The following ANKRD30BL variants were observed in gnomAD, a reference collection of about 807,000 sequenced individuals.
ANKRD30BL encodes ankyrin repeat domain 30B like, also known as putative ankyrin repeat domain-containing protein 30B-like.
Under a neutral mutation model 18.4 loss-of-function variants are expected in ANKRD30BL, and 20 were observed. The ratio of observed to expected loss-of-function variants is 1.09; its 90% CI spans 0.77 to 1.58. ANKRD30BL has a LOEUF of 1.58. Among genes scored for constraint, ANKRD30BL ranks in the 40% most tolerant of loss-of-function variants. The pLI is 0.00. For synonymous variants in ANKRD30BL, 72 were observed against 100.9 expected (o/e 0.71, Z 1.72); for missense variants, 224 against 268.6 (o/e 0.83, Z 1.16).
intron 1 of ANKRD30BL, among the ~76,000 whole-genome samples, chr2:132,254,045 C>G (rs375335833): frequency 1.3e-5 from 2 of 151,540 alleles, no homozygotes; most frequent in Admixed American, 1.3e-4. Context: ...CCCACCGTGA[C>G]GCCGAGAACC....
At chr2:132,174,657 G>A (rs542923112) in intron 1 of ANKRD30BL, among the ~76,000 whole-genome samples, 30 of 152,344 alleles carry the variant, frequency 2.0e-4, no homozygotes, top group East Asian at 1.3e-3. Context: ...AAAGTTGTGG[G>A]TGGTGAGTTA....
chr2:132,198,685 C>G (rs993934547), intron 1 of ANKRD30BL, among the ~76,000 whole-genome samples: 27 of 149,676 alleles, frequency 1.8e-4, no homozygotes, highest in African/African-American at 6.7e-4. Context: ...GCAGTGAGAT[C>G]TAGCCTCACT....
intron 1 of ANKRD30BL, among the ~76,000 whole-genome samples, chr2:132,238,872 T>C (rs1044411580): frequency 2.5e-4 from 38 of 152,126 alleles, no homozygotes; most frequent in Middle Eastern, 3.4e-3. Context: ...TTCCCCTTCA[T>C]TGAGCATTTT....
chr2:132,192,960 C>G (rs1026482182), intron 1 of ANKRD30BL, among the ~76,000 whole-genome samples: 7 of 152,098 alleles, frequency 4.6e-5, no homozygotes, highest in Non-Finnish European at 8.8e-5. Flanking sequence ...TGGTCAGAGG[C>G]TTAGATAGAA....
chr2:132,235,403 T>G (rs12469234), intron 1 of ANKRD30BL, among the ~76,000 whole-genome samples: 2 of 152,080 alleles, frequency 1.3e-5, no homozygotes, highest in Non-Finnish European at 2.9e-5. Context: ...AAATTGTCCC[T>G]GTTTGCAGAT....
exon 1 of ANKRD30BL, chr2:132,257,802 C>G (rs796678963): frequency 6.5e-6 from 1 of 153,476 alleles, no homozygotes; most frequent in Non-Finnish European, 1.5e-5. Context: ...TGAGCCTTCG[C>G]GGTCTGGGCA....
At chr2:132,252,439 AG>A (rs1379666872) in intron 1 of ANKRD30BL, among the ~76,000 whole-genome samples, 2 of 150,946 alleles carry the variant, frequency 1.3e-5, no homozygotes, top group Non-Finnish European at 2.9e-5. Context: ...GATCACCACC[AG>A]GGGCAAGCGA....
chr2:132,205,569 C>G (rs1289249687), intron 1 of ANKRD30BL, among the ~76,000 whole-genome samples: 1 of 148,566 alleles, frequency 6.7e-6, no homozygotes, highest in African/African-American at 2.5e-5. Flanking sequence ...CTGTTGCACT[C>G]CAGCCTGGGT....
intron 3 of ANKRD30BL, chr2:132,155,937 G>A (rs1324011399): frequency 6.6e-6 from 1 of 150,982 alleles, no homozygotes; most frequent in African/African-American, 2.4e-5. Context: ...AAGAAATTCA[G>A]TATAAAAGTT....
chr2:132,245,051 C>G (rs138314192), intron 1 of ANKRD30BL, among the ~76,000 whole-genome samples: 3 of 152,300 alleles, frequency 2.0e-5, no homozygotes, highest in African/African-American at 7.2e-5. Context: ...GTAGAATTTA[C>G]AACTGGATAT....
intron 1 of ANKRD30BL, among the ~76,000 whole-genome samples, chr2:132,183,859 A>G (rs889444065): frequency 1.1e-4 from 16 of 151,948 alleles, no homozygotes; most frequent in African/African-American, 3.9e-4. Context: ...ACATAGTGGT[A>G]TTGAATTAAT....
chr2:132,257,244 C>A (rs971508365), intron 1 of ANKRD30BL, among the ~76,000 whole-genome samples: 9 of 152,244 alleles, frequency 5.9e-5, no homozygotes, highest in African/African-American at 2.2e-4. Context: ...CTTCCCAGGG[C>A]CAGGCGGCCC....
chr2:132,216,197 T>C (rs1340243116), intron 1 of ANKRD30BL, among the ~76,000 whole-genome samples: 1 of 151,982 alleles, frequency 6.6e-6, no homozygotes, highest in African/African-American at 2.4e-5. Flanking sequence ...ACTTAAATAG[T>C]AGACAGAAGA....
intron 1 of ANKRD30BL, among the ~76,000 whole-genome samples, chr2:132,236,555 C>T (rs1028263791): frequency 6.6e-6 from 1 of 152,102 alleles, no homozygotes; most frequent in African/African-American, 2.4e-5. Flanking sequence ...CAGAGAAATG[C>T]AAATCAAAAC....
At chr2:132,253,051 C>G (rs79366219) in intron 1 of ANKRD30BL, 1 of 150,616 alleles carries the variant, frequency 6.6e-6, no homozygotes, top group African/African-American at 2.5e-5. Context: ...CGAATGTCAC[C>G]GGTCTACACT....
rs113510504 is a variant in ANKRD30BL at position 132,231,379 on chromosome 2, C to T, written n.441+26150G>A. On this transcript the variant is annotated intron_variant and non_coding_transcript_variant, in intron 1 of 4. Transcript: ENST00000470729. ...AACAGCTCTGGTCTACAGCTCCCAG[C>T]GTGAGCGACGCAGAAGACAGGTGAT... 2.4e-4 allele frequency among the ~76,000 whole-genome samples: 37 copies of T among 152,306 alleles called. 1 individual carries two copies. The highest frequency in any genetic ancestry group is 3.4e-3 in the Middle Eastern group (1 of 294).
intron 1 of ANKRD30BL, among the ~76,000 whole-genome samples, chr2:132,175,705 G>C (rs1387301818): frequency 6.6e-6 from 1 of 152,214 alleles, no homozygotes; most frequent in Non-Finnish European, 1.5e-5. Flanking sequence ...CCAGGGCAGA[G>C]GTCCCTGCGG....
chr2:132,219,825 C>T (rs1451030073), intron 1 of ANKRD30BL, among the ~76,000 whole-genome samples: 13 of 152,020 alleles, frequency 8.6e-5, no homozygotes, highest in Admixed American at 2.6e-4. Context: ...ACTGGAATAT[C>T]GTCACATAAA....
intron 1 of ANKRD30BL, among the ~76,000 whole-genome samples, chr2:132,240,765 C>T (rs1465268472): frequency 1.3e-5 from 2 of 151,618 alleles, no homozygotes; most frequent in Admixed American, 6.6e-5. Context: ...ATTTGAAACC[C>T]TCTTTTTGTA....
Sources: gnomAD v4.1 joint callset for allele counts (sites outside exome capture counted in the v4.1 genomes callset) on GRCh38, gnomAD v4.1.1 for gene constraint, MANE v1.5 for transcripts, NCBI Gene and HGNC (gene_info 2026-07-23, HGNC 2026-07-21) for gene names.